The following RNF150 variants were observed in gnomAD, a reference collection of about 807,000 sequenced individuals.
RNF150 encodes the protein ring finger protein 150.
RNF150 carries 24 observed loss-of-function variants against 39.3 expected under a neutral mutation model. The ratio of observed to expected loss-of-function variants is 0.61; its 90% CI spans 0.44 to 0.86. RNF150 has a LOEUF of 0.86. Ranked by LOEUF, RNF150 falls within the 40% of genes least tolerant of loss-of-function variation. The probability of loss-of-function intolerance (pLI) is 0.00; values close to 1 mark genes in which losing one functional copy is unlikely to be tolerated. For synonymous variants in RNF150, 255 were observed against 227.3 expected (o/e 1.12, Z -1.10); for missense variants, 502 against 587.8 (o/e 0.85, Z 1.51).
intron 5 of RNF150, among the ~76,000 whole-genome samples, chr4:140,922,342 C>G (rs912477307): frequency 6.7e-6 from 1 of 150,106 alleles, no homozygotes; most frequent in Non-Finnish European, 1.5e-5. Flanking sequence ...AACAGAGAGG[C>G]AAATCATGAG....
At chr4:141,191,574 T>G (rs1728110185) in intron 1 of RNF150, among the ~76,000 whole-genome samples, 1 of 152,242 alleles carries the variant, frequency 6.6e-6, no homozygotes, top group African/African-American at 2.4e-5. Flanking sequence ...GAGAATGTTG[T>G]GACTTCAGCA....
rs112984445 is a variant in RNF150, at chr4:141,124,148, C to T, written c.484+8177G>A. Among the ~76,000 whole-genome samples, 147 of 152,342 alleles carry T rather than the reference C, an allele frequency of 9.6e-4. 1 individual carries two copies. Among genetic ancestry groups the T allele is most frequent in the African/African-American group, 3.3e-3 (137 of 41,586 alleles). On this transcript the variant is annotated intron_variant, in intron 1 of 6. Transcript: ENST00000515673. ...GGCGCCCCACTGCACTCTTCTGCTG[C>T]TTATGCAGAGTACTTTCTATCTAAT...
intron 1 of RNF150, among the ~76,000 whole-genome samples, chr4:141,086,070 C>T (rs993843682): frequency 6.1e-5 from 8 of 131,690 alleles, no homozygotes; most frequent in African/African-American, 2.2e-4. Flanking sequence ...ACACACACAC[C>T]CTTCTAGGTG....
At chr4:140,980,181 T>C (rs2111454765) in intron 1 of RNF150, among the ~76,000 whole-genome samples, 1 of 152,250 alleles carries the variant, frequency 6.6e-6, no homozygotes, top group South Asian at 2.1e-4. Context: ...GTGCTGGGAC[T>C]ACAGGCTTGT....
At chr4:140,944,547 A>G (rs916802644) in intron 4 of RNF150, 1 of 152,208 alleles carries the variant, frequency 6.6e-6, no homozygotes, top group Non-Finnish European at 1.5e-5. Context: ...TAAAGAGAGG[A>G]AGGCATTTAT....
At chr4:141,070,709 A>G (rs28839890) in intron 1 of RNF150, among the ~76,000 whole-genome samples, 16,282 of 83,572 alleles carry the variant, frequency 0.19, 1,868 homozygotes, top group Non-Finnish European at 0.31. Context: ...CTAGAATGGC[A>G]ATCATTAAAA....
At chr4:141,164,470 A>T (rs1186961406) in intron 1 of RNF150, among the ~76,000 whole-genome samples, 21 of 152,240 alleles carry the variant, frequency 1.4e-4, no homozygotes, top group Middle Eastern at 3.4e-3. Context: ...AAAGATACTC[A>T]TCGAGCAAAG....
chr4:141,162,006 G>T (rs746024215), intron 1 of RNF150, among the ~76,000 whole-genome samples: 6 of 152,202 alleles, frequency 3.9e-5, no homozygotes, highest in Non-Finnish European at 8.8e-5. Flanking sequence ...CACAGAGTCC[G>T]CAATGGGGCA....
chr4:140,907,148 C>T (rs1730412216), intron 6 of RNF150, among the ~76,000 whole-genome samples: 1 of 152,158 alleles, frequency 6.6e-6, no homozygotes, highest in African/African-American at 2.4e-5. Context: ...CAACAATCTG[C>T]ATCCTGAGCT....
At chr4:140,911,392 C>T in intron 5 of RNF150, 38 bp from the exon 6 acceptor site, 1 of 1,557,552 alleles carries the variant, frequency 6.4e-7, no homozygotes, top group Non-Finnish European at 8.8e-7. Flanking sequence ...CAGTACATGT[C>T]ATCCACTTAG....
intron 1 of RNF150, among the ~76,000 whole-genome samples, chr4:141,145,125 A>G (rs3851434): frequency 0.32 from 48,079 of 151,982 alleles, 8,470 homozygotes; most frequent in East Asian, 0.81. Flanking sequence ...ATTAATGGGT[A>G]ATAACAGTAA....
chr4:141,163,689 T>C (rs542636732), intron 1 of RNF150, among the ~76,000 whole-genome samples: 1 of 152,098 alleles, frequency 6.6e-6, no homozygotes, highest in Non-Finnish European at 1.5e-5. Flanking sequence ...TCCAGCAAAC[T>C]CCAGCAGACC....
intron 1 of RNF150, among the ~76,000 whole-genome samples, chr4:141,116,591 A>C (rs553861915): frequency 2.4e-4 from 36 of 152,350 alleles, no homozygotes; most frequent in African/African-American, 8.2e-4. Context: ...GCAATTCCTC[A>C]AGAATCTAGA....
In RNF150 at chr4:140,917,221, T is replaced by C. The variant is rs1178441827; in HGVS notation, c.988-5867A>G. Among the ~76,000 whole-genome samples, 8 of 152,328 alleles carry C rather than the reference T, an allele frequency of 5.3e-5. No homozygotes were observed. In the East Asian group the frequency reaches 1.3e-3, roughly 26 times the overall value. Reference sequence around the variant, plus strand: ...TAACCTTAAATGTAAATGGGCTAAATGCTCCAGTTGAAAGGCACAGACTGG... The same window carrying C: ...TAACCTTAAATGTAAATGGGCTAAACGCTCCAGTTGAAAGGCACAGACTGG... On this transcript the variant is annotated intron_variant, in intron 5 of 6. Coordinates refer to ENST00000515673, the MANE Select transcript of RNF150 (RefSeq NM_020724.2).
In RNF150 at chr4:140,880,653, G is replaced by T. The variant is rs183359861; in HGVS notation, c.1199-12274C>A. On this transcript the variant is annotated intron_variant, in intron 6 of 6. Transcript: ENST00000515673. ...TCTGGTCCTGGGTTTTTTTTTGTTT[G>T]TTTGTTTGTTTGTTTGTTTTAAACA... 3.2e-3 allele frequency among the ~76,000 whole-genome samples: 476 copies of T among 149,350 alleles called. 2 individuals carry two copies. Among genetic ancestry groups the T allele is most frequent in the Non-Finnish European group, 5.8e-3 (387 of 67,236 alleles).
intron 5 of RNF150, among the ~76,000 whole-genome samples, chr4:140,914,410 G>A (rs1730733976): frequency 6.6e-6 from 1 of 152,236 alleles, no homozygotes; most frequent in African/African-American, 2.4e-5. Flanking sequence ...AATGCTATCT[G>A]CAAGTGAAAA....
At chr4:140,956,581 G>A (rs374621854) in intron 2 of RNF150, among the ~76,000 whole-genome samples, 1 of 152,134 alleles carries the variant, frequency 6.6e-6, no homozygotes, top group Non-Finnish European at 1.5e-5. Context: ...CTGTATGGCA[G>A]ATTCAACCAA....
chr4:140,985,577 C>T (rs1055405367), intron 1 of RNF150, among the ~76,000 whole-genome samples: 2 of 152,008 alleles, frequency 1.3e-5, no homozygotes, highest in Non-Finnish European at 2.9e-5. Context: ...CAACCTTGAG[C>T]TTTATGAAAT....
intron 1 of RNF150, among the ~76,000 whole-genome samples, chr4:141,168,742 A>G (rs1262672559): frequency 6.6e-6 from 1 of 152,150 alleles, no homozygotes; most frequent in Non-Finnish European, 1.5e-5. Flanking sequence ...GGAGTCGAAC[A>G]AGGAGAACAC....
Sources: allele counts gnomAD v4.1 joint callset (sites outside exome capture counted in the v4.1 genomes callset), GRCh38; gene constraint gnomAD v4.1.1; transcripts MANE v1.5; gene names NCBI Gene and HGNC (gene_info 2026-07-23, HGNC 2026-07-21).